PRKN: variants seen among roughly 807,000 people sequenced by gnomAD.
PRKN encodes parkin RBR E3 ubiquitin protein ligase.
In PRKN, 56 loss-of-function variants were observed where a neutral mutation model predicts 59.5. That is an observed-to-expected ratio of 0.94 (90% CI 0.76 to 1.18). The LOEUF is 1.18. Among genes scored for constraint, PRKN ranks in the 50% most tolerant of loss-of-function variants. PRKN has a pLI of 0.00. For missense variants in PRKN, 657 were observed against 596.4 expected (o/e 1.10, Z -1.06); for synonymous variants, 250 against 222.1 (o/e 1.13, Z -1.12).
chr6:161,657,848 A>G (rs1053382628), intron 7 of PRKN, among the ~76,000 whole-genome samples: 1 of 151,974 alleles, frequency 6.6e-6, no homozygotes, highest in African/African-American at 2.4e-5. Context: ...CAATATGGTG[A>G]AACCTTGTCT....
chr6:161,853,360 G>A (rs933060950), intron 6 of PRKN, among the ~76,000 whole-genome samples: 65 of 152,098 alleles, frequency 4.3e-4, no homozygotes, highest in African/African-American at 1.5e-3. Flanking sequence ...GGACTAGTGC[G>A]GCTACAGTTT....
At chr6:161,604,019 A>C (rs1447081288) in intron 7 of PRKN, among the ~76,000 whole-genome samples, 1 of 152,202 alleles carries the variant, frequency 6.6e-6, no homozygotes, top group Non-Finnish European at 1.5e-5. Flanking sequence ...CCAGACACCA[A>C]ATCTGCCAGA....
chr6:161,590,708 G>C (rs1781688370), intron 7 of PRKN, among the ~76,000 whole-genome samples: 1 of 151,550 alleles, frequency 6.6e-6, no homozygotes, highest in African/African-American at 2.4e-5. Context: ...ACTCCAGCCT[G>C]GGTGACGACA....
chr6:162,262,907 C>T (rs916970994), intron 2 of PRKN, 142 bp from the exon 3 acceptor site: 2 of 1,041,094 alleles, frequency 1.9e-6, no homozygotes, highest in Admixed American at 4.4e-5. Flanking sequence ...CTCCTTTGCC[C>T]ACAGCAGTTA....
At chr6:162,026,018 A>C (rs1783421571) in intron 5 of PRKN, among the ~76,000 whole-genome samples, 1 of 152,166 alleles carries the variant, frequency 6.6e-6, no homozygotes. Flanking sequence ...TTCTTAGCAG[A>C]ACAGACATGG....
At chr6:162,269,351 C>T (rs960789624) in intron 2 of PRKN, among the ~76,000 whole-genome samples, 1 of 152,152 alleles carries the variant, frequency 6.6e-6, no homozygotes, top group Admixed American at 6.5e-5. Flanking sequence ...ATCCTTTAAG[C>T]ACATACCTAG....
chr6:162,651,160 A>G (rs1778418022), intron 1 of PRKN, among the ~76,000 whole-genome samples: 1 of 152,178 alleles, frequency 6.6e-6, no homozygotes, highest in Non-Finnish European at 1.5e-5. Flanking sequence ...CTGGAAAGAA[A>G]CACTGTGTTT....
chr6:161,372,167 T>C lies in PRKN; in HGVS notation c.1168-11962A>G, dbSNP rs1021399461. On this transcript the variant is annotated intron_variant, in intron 10 of 11. Coordinates refer to ENST00000366898, the MANE Select transcript of PRKN (RefSeq NM_004562.3). This position sits in a 1 kb window ranked among gnomAD's most constrained non-coding sequence, Gnocchi z 4.2. The stretch of plus-strand genomic sequence containing the variant: ...CAGAATTATTAATAGGTACCATTTA[T>C]TGGTTATTTTAAAAGTGCTTTGTGT... Among the ~76,000 whole-genome samples, 3 of 152,232 alleles carry C rather than the reference T, an allele frequency of 2.0e-5. No homozygotes were observed. Among genetic ancestry groups the C allele is most frequent in the African/African-American group, 7.2e-5 (3 of 41,460 alleles).
rs1017567416 is a variant in PRKN, at chr6:161,774,404, A to G, written c.871+11368T>C. 4.7e-3 allele frequency among the ~76,000 whole-genome samples: 514 copies of G among 110,022 alleles called. 3 individuals carry two copies. The highest frequency in any genetic ancestry group is 0.023 in the East Asian group (80 of 3,480). The allele number at this position is 110,022 out of a possible 152,430, so 72.2% of individuals were successfully genotyped here. ...TGAGCACACACACACACACACACACACACACACACACACACACACACACAC... is the reference window on the plus strand; with the variant it reads ...TGAGCACACACACACACACACACACGCACACACACACACACACACACACAC... On this transcript the variant is annotated intron_variant, in intron 7 of 11. Coordinates refer to ENST00000366898, the MANE Select transcript of PRKN (RefSeq NM_004562.3).
At chr6:161,653,669 A>T (rs1260965835) in intron 7 of PRKN, among the ~76,000 whole-genome samples, 3 of 152,218 alleles carry the variant, frequency 2.0e-5, no homozygotes, top group African/African-American at 7.2e-5. Flanking sequence ...CAGAATAGAG[A>T]AGTACATCGT....
At chr6:162,564,878 A>G (rs934478590) in intron 1 of PRKN, among the ~76,000 whole-genome samples, 1 of 152,080 alleles carries the variant, frequency 6.6e-6, no homozygotes, top group Non-Finnish European at 1.5e-5. Context: ...CAGAAAAAAA[A>G]AAAAAAAAAT....
At position 162,025,879 on chromosome 6, in the gene PRKN, G is replaced by A. The variant is rs1016112612; in HGVS notation, c.618+28212C>T. 3.3e-5 allele frequency among the ~76,000 whole-genome samples: 5 copies of A among 152,012 alleles called. 1 individual carries two copies. The East Asian group carries it at 7.8e-4, about 24-fold the overall frequency. ...GCTGAGATTACAGACATGAGGCACT[G>A]CCCCCGGGCCATGGTGTGTTTAATG... is the stretch of plus-strand genomic sequence containing the variant. On this transcript the variant is annotated intron_variant, in intron 5 of 11. Coordinates refer to ENST00000366898, the MANE Select transcript of PRKN (RefSeq NM_004562.3).
intron 1 of PRKN, among the ~76,000 whole-genome samples, chr6:162,503,360 C>T (rs374469118): frequency 6.6e-6 from 1 of 151,770 alleles, no homozygotes; most frequent in African/African-American, 2.4e-5. Context: ...GACGGGGTTT[C>T]GCCATGTTGG....
In PRKN at chr6:161,446,728, C is replaced by A. The variant is rs1212267237; in HGVS notation, c.1084-59851G>T. On this transcript the variant is annotated intron_variant, in intron 9 of 11. Coordinates refer to ENST00000366898, the MANE Select transcript of PRKN (RefSeq NM_004562.3). The surrounding 1 kb of genome is among the most constrained non-coding windows in gnomAD (Gnocchi z 6.2). ...CAATTCATCCTCATCTAATTTATAA[C>A]CATCCTCCCACACTAGGAATATGGA... Among the ~76,000 whole-genome samples, 1 of 152,188 alleles carries A rather than the reference C, an allele frequency of 6.6e-6. No individual in the cohort carries two copies. The highest frequency in any genetic ancestry group is 2.4e-5 in the African/African-American group (1 of 41,440).
intron 1 of PRKN, among the ~76,000 whole-genome samples, chr6:162,567,651 C>T (rs1311932103): frequency 6.6e-6 from 1 of 152,130 alleles, no homozygotes; most frequent in Non-Finnish European, 1.5e-5. Context: ...ATTCCATGTT[C>T]ATGGATAAAA....
At position 162,273,572 on chromosome 6, in the gene PRKN, T is replaced by C. The variant is rs748424337; in HGVS notation, c.172-10807A>G. 2.0e-5 allele frequency among the ~76,000 whole-genome samples: 3 copies of C among 152,220 alleles called. 1 individual carries two copies. Among genetic ancestry groups the C allele is most frequent in the Non-Finnish European group, 2.9e-5 (2 of 68,038 alleles). On this transcript the variant is annotated intron_variant, in intron 2 of 11. Coordinates refer to ENST00000366898, the MANE Select transcript of PRKN (RefSeq NM_004562.3). ...TGTAGGAATTCAGAAACTATTTGTATTTATGTTAAGATGAAAAATTACTAA... is the reference window on the plus strand; with the variant it reads ...TGTAGGAATTCAGAAACTATTTGTACTTATGTTAAGATGAAAAATTACTAA...
At chr6:161,370,794 G>A (rs1785413966) in intron 10 of PRKN, among the ~76,000 whole-genome samples, 1 of 152,172 alleles carries the variant, frequency 6.6e-6, no homozygotes, top group African/African-American at 2.4e-5. Flanking sequence ...AAAAAGAGCA[G>A]TTGTCATTAA....
intron 1 of PRKN, among the ~76,000 whole-genome samples, chr6:162,718,541 C>G (rs1433600447): frequency 6.6e-6 from 1 of 152,020 alleles, no homozygotes; most frequent in African/African-American, 2.4e-5. Flanking sequence ...GATACCCCGT[C>G]TATACTAAAA....
intron 6 of PRKN, among the ~76,000 whole-genome samples, chr6:161,832,808 C>T (rs554625896): frequency 2.6e-5 from 4 of 151,846 alleles, no homozygotes; most frequent in Non-Finnish European, 5.9e-5. Context: ...AGCTTTGTGG[C>T]GGCGCCTGTG....
Sources: allele counts gnomAD v4.1 joint callset (sites outside exome capture counted in the v4.1 genomes callset), GRCh38; gene constraint gnomAD v4.1.1; non-coding constraint Gnocchi (gnomAD v3.1); transcripts MANE v1.5; gene names NCBI Gene and HGNC (gene_info 2026-07-23, HGNC 2026-07-21).